CRACD: variants seen among roughly 807,000 people sequenced by gnomAD.
CRACD encodes the protein capping protein-inhibiting regulator of actin dynamics.
Under a neutral mutation model 106.8 loss-of-function variants are expected in CRACD, and 56 were observed. The ratio of observed to expected loss-of-function variants is 0.52; its 90% CI spans 0.42 to 0.66. CRACD has a LOEUF of 0.66. Ranked by LOEUF, CRACD falls within the 30% of genes least tolerant of loss-of-function variation. CRACD has a pLI of 0.00. For synonymous variants in CRACD, 754 were observed against 670.8 expected, an observed-to-expected ratio of 1.12 and a Z score of -1.92; for missense variants, 1,730 against 1,623.2, an observed-to-expected ratio of 1.07 and a Z score of -1.13.
Position 56,265,403 on chromosome 4 carries a change from G to GGTGT in CRACD, c.-188-6881_-188-6878dup, listed in dbSNP as rs111811548. On this transcript the variant is annotated intron_variant, in intron 2 of 10. Coordinates refer to ENST00000682029, the MANE Select transcript of CRACD (RefSeq NM_001393381.1). ...AGTGTACTCAGGGGTATAGAGGAGGGGTGTGTGTGTGTGTGTGTGTGTGTG... is the reference window on the plus strand; with the variant it reads ...AGTGTACTCAGGGGTATAGAGGAGGGGTGTGTGTGTGTGTGTGTGTGTGTGTGTG... Among the ~76,000 whole-genome samples, 307 of 77,426 alleles carry GGTGT rather than the reference G, an allele frequency of 4.0e-3. 4 individuals are homozygous for GGTGT. The highest frequency in any genetic ancestry group is 0.019 in the Admixed American group (131 of 6,846). 50.8% of individuals were successfully genotyped at this position (77,426 alleles called of 152,430 possible).
At chr4:56,063,992 A>G (rs563839145) in intron 1 of CRACD, among the ~76,000 whole-genome samples, 2 of 152,312 alleles carry the variant, frequency 1.3e-5, no homozygotes, top group East Asian at 1.9e-4. Flanking sequence ...CAATTTCTCT[A>G]TATCCTCACC....
intron 1 of CRACD, among the ~76,000 whole-genome samples, chr4:56,147,250 A>G (rs1022918606): frequency 3.9e-5 from 6 of 152,336 alleles, no homozygotes; most frequent in East Asian, 1.9e-4. Flanking sequence ...GGAAAAAGAG[A>G]AACAAAGCGT....
intron 1 of CRACD, among the ~76,000 whole-genome samples, chr4:56,101,760 CAA>C (rs60106850): frequency 0.21 from 21,383 of 103,100 alleles, 1,389 homozygotes; most frequent in East Asian, 0.41. Context: ...AAGACTGTCT[CAA>C]AAAAAAAAAA....
chr4:56,309,963 G>T (rs1745024220), intron 5 of CRACD, among the ~76,000 whole-genome samples: 1 of 150,962 alleles, frequency 6.6e-6, no homozygotes, highest in African/African-American at 2.4e-5. Context: ...AGGCTACAGT[G>T]AGCTGTGACT....
At chr4:56,323,958 C>A in intron 9 of CRACD, 146 bp from the exon 10 acceptor site, 1 of 824,686 alleles carries the variant, frequency 1.2e-6, no homozygotes, top group Non-Finnish European at 1.9e-6. Flanking sequence ...CGTGGTTGAG[C>A]GTACATGGCT....
chr4:56,308,261 A>G (rs1230580257), intron 5 of CRACD, among the ~76,000 whole-genome samples: 1 of 152,174 alleles, frequency 6.6e-6, no homozygotes, highest in Non-Finnish European at 1.5e-5. Context: ...AAACAGGCCA[A>G]CTTGAAGAGT....
chr4:56,102,868 CTT>C (rs2109832876), intron 1 of CRACD, among the ~76,000 whole-genome samples: 1 of 152,318 alleles, frequency 6.6e-6, no homozygotes, highest in Non-Finnish European at 1.5e-5. Flanking sequence ...AGCTCTCCCT[CTT>C]TGTCTCATTC....
chr4:56,313,510 T>A, intron 7 of CRACD, 131 bp downstream of exon 7: 1 of 762,264 alleles, frequency 1.3e-6, no homozygotes, highest in Admixed American at 2.8e-5. Flanking sequence ...CTTGAGTGTG[T>A]GGCGGTGTTG....
rs188625969 is a variant in CRACD at position 56,233,879 on chromosome 4, T to C, written c.-188-38442T>C. Among the ~76,000 whole-genome samples the C allele has an allele frequency of 5.9e-5, 9 of 152,298 alleles. No homozygotes were observed. The East Asian group carries it at 1.5e-3, about 26-fold the overall frequency. On this transcript the variant is annotated intron_variant, in intron 2 of 10. Coordinates refer to ENST00000682029, the MANE Select transcript of CRACD (RefSeq NM_001393381.1). ...ATTTTTTATTTCTCTTATAATTGTT[T>C]TGTAGTTTTCAGTGTACAGATCTTT...
At chr4:56,081,874 G>A (rs1733044905) in intron 1 of CRACD, among the ~76,000 whole-genome samples, 4 of 152,110 alleles carry the variant, frequency 2.6e-5, no homozygotes, top group African/African-American at 9.7e-5. Flanking sequence ...TACTTGGGAG[G>A]CTGAGGCAGG....
In CRACD at chr4:56,328,582, C is replaced by CT. The variant is rs995459518; in HGVS notation, c.*779dup. The CT allele has an allele frequency of 6.7e-5, 23 of 344,470 alleles. No individual in the cohort carries two copies. Among genetic ancestry groups the CT allele is most frequent in the Non-Finnish European group, 9.1e-5 (16 of 175,338 alleles). 21.3% of individuals were successfully genotyped at this position (344,470 alleles called of 1,614,324 possible). ...AGAGCTACAAGTTCACTTTCTGTCT[C>CT]TGAGAATCTCCATCTAGGGCAGTAG... is the stretch of plus-strand genomic sequence containing the variant. On this transcript the variant is annotated 3_prime_UTR_variant, in exon 11 of 11. Coordinates refer to ENST00000682029, the MANE Select transcript of CRACD (RefSeq NM_001393381.1).
chr4:56,191,997 G>C (rs952640188), intron 2 of CRACD, among the ~76,000 whole-genome samples: 4 of 152,134 alleles, frequency 2.6e-5, no homozygotes, highest in African/African-American at 9.7e-5. Flanking sequence ...ATTATTTTCT[G>C]TCAAAATCAA....
chr4:56,179,261 ATGT>A lies in CRACD; in HGVS notation c.-335-21_-335-19del, dbSNP rs1736712982. The stretch of plus-strand genomic sequence containing the variant: ...GAGGATTGAAGACATAAAGTTCTTA[ATGT>A]TTTTTTTTTTTCTCAACAGCTTACA... On this transcript the variant is annotated intron_variant, in intron 1 of 10. Transcript: ENST00000682029. The A allele has an allele frequency of 6.7e-6, 1 of 148,780 alleles. No homozygotes were observed. The highest frequency in any genetic ancestry group is 2.2e-4 in the South Asian group (1 of 4,494). 9.2% of individuals were successfully genotyped at this position (148,780 alleles called of 1,614,324 possible). A position where few individuals can be genotyped will look rare whatever the true frequency, so the allele number is the denominator to read the frequency against.
At chr4:56,150,914 T>C (rs1001782585) in intron 1 of CRACD, among the ~76,000 whole-genome samples, 3 of 152,216 alleles carry the variant, frequency 2.0e-5, no homozygotes, top group Non-Finnish European at 4.4e-5. Flanking sequence ...TTCAATTTTA[T>C]TAGATAGTGC....
In CRACD at chr4:56,214,517, G is replaced by A. The variant is rs572420967; in HGVS notation, c.-189+35087G>A. ...CGCGGCAGGAGAATCACGTGAACCCGGGAGGCGGAGGTTGCAGTCAGCTGA... is the reference window on the plus strand; with the variant it reads ...CGCGGCAGGAGAATCACGTGAACCCAGGAGGCGGAGGTTGCAGTCAGCTGA... On this transcript the variant is annotated intron_variant, in intron 2 of 10. Coordinates refer to ENST00000682029, the MANE Select transcript of CRACD (RefSeq NM_001393381.1). Among the ~76,000 whole-genome samples, 507 of 151,744 alleles carry A rather than the reference G, an allele frequency of 3.3e-3. 10 individuals are homozygous for A. Among genetic ancestry groups the A allele is most frequent in the African/African-American group, 0.012 (480 of 41,396 alleles).
intron 2 of CRACD, among the ~76,000 whole-genome samples, chr4:56,187,848 C>T (rs1737151520): frequency 6.6e-6 from 1 of 151,980 alleles, no homozygotes; most frequent in Non-Finnish European, 1.5e-5. Context: ...CCCACGGAGA[C>T]CAAAAATTGA....
intron 2 of CRACD, among the ~76,000 whole-genome samples, chr4:56,214,214 T>G (rs1738541962): frequency 6.6e-6 from 1 of 152,050 alleles, no homozygotes. Flanking sequence ...TCACTGTCAC[T>G]CCACATAATG....
chr4:56,256,763 T>C (rs1741380268), intron 2 of CRACD, among the ~76,000 whole-genome samples: 2 of 152,190 alleles, frequency 1.3e-5, no homozygotes, highest in African/African-American at 4.8e-5. Flanking sequence ...TCAGCCCATA[T>C]CTGTGGAATG....
chr4:56,281,844 G>A (rs540619546), intron 3 of CRACD, among the ~76,000 whole-genome samples: 99 of 152,238 alleles, frequency 6.5e-4, no homozygotes, highest in African/African-American at 2.1e-3. Flanking sequence ...CTTACAGACC[G>A]GAGTAGATGA....
Sources: gnomAD v4.1 joint callset for allele counts (sites outside exome capture counted in the v4.1 genomes callset) on GRCh38, gnomAD v4.1.1 for gene constraint, MANE v1.5 for transcripts, NCBI Gene and HGNC (gene_info 2026-07-23, HGNC 2026-07-21) for gene names.